PAMR1: variants seen among roughly 807,000 people sequenced by gnomAD.
PAMR1 encodes the protein inactive serine protease PAMR1.
PAMR1 carries 88 observed loss-of-function variants against 81.8 expected under a neutral mutation model. The ratio of observed to expected loss-of-function variants is 1.08; its 90% CI spans 0.91 to 1.28. The LOEUF is 1.28. Among genes scored for constraint, PAMR1 ranks in the 50% most tolerant of loss-of-function variants. PAMR1 has a pLI of 0.00. For missense variants in PAMR1, 935 were observed against 919.7 expected, an observed-to-expected ratio of 1.02 and a Z score of -0.21; for synonymous variants, 336 against 345.3, an observed-to-expected ratio of 0.97 and a Z score of 0.30.
chr11:35,434,692 C>T lies in PAMR1; in HGVS notation c.1446G>A (p.Lys482=). ...TSGVHDGSLH[K]GAWFLVCSGA... is the part of the protein sequence containing the mutation. ...CGCTGCAGACTAGGAACCACGCTCC[C>T]TTGTGTAGGCTGCCGTCATGCACCC... Residue 482 remains lysine (K), a synonymous_variant, in exon 10 of 11, where the codon AAG becomes AAA. Coordinates refer to ENST00000619888, the MANE Select transcript of PAMR1 (RefSeq NM_001001991.3). 2.5e-6 allele frequency: 4 copies of T among 1,614,204 alleles called. No homozygotes were observed. Among genetic ancestry groups the T allele is most frequent in the Non-Finnish European group, 2.5e-6 (3 of 1,180,042 alleles).
intron 6 of PAMR1, chr11:35,451,908 G>A (rs368525253): frequency 2.7e-5 from 19 of 703,074 alleles, no homozygotes; most frequent in South Asian, 6.1e-5. Flanking sequence ...ATCTTCTGAC[G>A]CCTTGATCTT....
intron 1 of PAMR1, among the ~76,000 whole-genome samples, chr11:35,508,438 T>C (rs971393261): frequency 2.0e-5 from 3 of 152,018 alleles, no homozygotes; most frequent in Non-Finnish European, 4.4e-5. Context: ...CTCAGTGCTA[T>C]ATATTTACTT....
intron 1 of PAMR1, among the ~76,000 whole-genome samples, chr11:35,522,113 A>C (rs10836410): frequency 6.6e-6 from 1 of 151,924 alleles, no homozygotes; most frequent in Admixed American, 6.6e-5. Flanking sequence ...TAGTAGAGAC[A>C]GGGTTTCACT....
At chr11:35,436,273 C>T in intron 8 of PAMR1, 138 bp from the exon 9 acceptor site, 1 of 615,474 alleles carries the variant, frequency 1.6e-6, no homozygotes, top group South Asian at 2.0e-5. Context: ...CTCTCTCTAT[C>T]TCTCTCTCTG....
At chr11:35,526,097 G>A (rs978986931), upstream of PAMR1, 1 of 158,808 alleles carries the variant, frequency 6.3e-6, no homozygotes, top group Admixed American at 6.1e-5. Flanking sequence ...TTGGTGATGG[G>A]AGGAGAAAGG....
At chr11:35,516,895 G>A (rs921850583) in intron 1 of PAMR1, among the ~76,000 whole-genome samples, 1 of 152,148 alleles carries the variant, frequency 6.6e-6, no homozygotes, top group African/African-American at 2.4e-5. Flanking sequence ...ACAATGCAGG[G>A]GGCAGCTCAA....
At chr11:35,447,058 C>A (rs193143873) in intron 6 of PAMR1, among the ~76,000 whole-genome samples, 29 of 152,244 alleles carry the variant, frequency 1.9e-4, no homozygotes, top group Middle Eastern at 3.4e-3. Flanking sequence ...GCTCTTCTTG[C>A]TTAATTGAAC....
At chr11:35,513,836 A>T (rs1851115279) in intron 1 of PAMR1, among the ~76,000 whole-genome samples, 1 of 152,164 alleles carries the variant, frequency 6.6e-6, no homozygotes, top group African/African-American at 2.4e-5. Context: ...GTGGGAGCAA[A>T]GTCTCTGCCT....
intron 1 of PAMR1, among the ~76,000 whole-genome samples, chr11:35,516,028 T>A (rs926407500): frequency 2.0e-5 from 3 of 152,210 alleles, no homozygotes; most frequent in Non-Finnish European, 4.4e-5. Context: ...GAGGAGTATA[T>A]GACAACTTTA....
chr11:35,499,256 T>A (rs555714837), intron 1 of PAMR1, among the ~76,000 whole-genome samples: 2 of 152,124 alleles, frequency 1.3e-5, no homozygotes, highest in Admixed American at 6.5e-5. Flanking sequence ...GGGGTCCAGG[T>A]GGCCTGCCTT....
intron 6 of PAMR1, among the ~76,000 whole-genome samples, chr11:35,465,398 A>G (rs941887024): frequency 7.2e-5 from 11 of 152,212 alleles, no homozygotes; most frequent in African/African-American, 2.4e-4. Context: ...CCTAATTTCA[A>G]AAGAATTCCC....
At chr11:35,521,105 T>C (rs1023437598) in intron 1 of PAMR1, among the ~76,000 whole-genome samples, 4 of 152,234 alleles carry the variant, frequency 2.6e-5, no homozygotes, top group African/African-American at 9.6e-5. Flanking sequence ...GACCCAGATA[T>C]AACACCCAGC....
intron 1 of PAMR1, among the ~76,000 whole-genome samples, chr11:35,519,059 C>A (rs1851222283): frequency 6.6e-6 from 1 of 152,110 alleles, no homozygotes; most frequent in Admixed American, 6.5e-5. Context: ...GATAAAGATG[C>A]CCAGACTGCA....
chr11:35,495,717 C>G (rs2135403373), intron 1 of PAMR1, among the ~76,000 whole-genome samples: 2 of 152,278 alleles, frequency 1.3e-5, no homozygotes, highest in East Asian at 3.9e-4. Context: ...CCTTGAATTT[C>G]ATAGTTTCCT....
chr11:35,485,339 A>G (rs1417634292), intron 3 of PAMR1, among the ~76,000 whole-genome samples: 2 of 152,232 alleles, frequency 1.3e-5, no homozygotes, highest in East Asian at 1.9e-4. Context: ...CAAATCCTGG[A>G]AAGGAGCATA....
chr11:35,493,992 C>T, intron 2 of PAMR1, 104 bp downstream of exon 2: 1 of 848,336 alleles, frequency 1.2e-6, no homozygotes, highest in Non-Finnish European at 1.9e-6. Context: ...CATGGCACCA[C>T]AGCCTCCTGA....
At chr11:35,458,926 G>A (rs1385316780) in intron 6 of PAMR1, among the ~76,000 whole-genome samples, 1 of 152,058 alleles carries the variant, frequency 6.6e-6, no homozygotes, top group East Asian at 1.9e-4. Context: ...TTACTCCCAG[G>A]AAGGTCTTCA....
chr11:35,448,538 G>A (rs188111853), intron 6 of PAMR1, among the ~76,000 whole-genome samples: 2 of 152,234 alleles, frequency 1.3e-5, no homozygotes, highest in East Asian at 3.9e-4. Flanking sequence ...AACAGCTCCT[G>A]TAGTGTTTTA....
intron 1 of PAMR1, among the ~76,000 whole-genome samples, chr11:35,500,341 A>G (rs1366151408): frequency 6.6e-6 from 1 of 152,196 alleles, no homozygotes; most frequent in Non-Finnish European, 1.5e-5. Flanking sequence ...GCAAGGGTGA[A>G]TCGATGAACT....
Sources: allele counts gnomAD v4.1 joint callset (sites outside exome capture counted in the v4.1 genomes callset), GRCh38; gene constraint gnomAD v4.1.1; transcripts MANE v1.5; gene names NCBI Gene and HGNC (gene_info 2026-07-23, HGNC 2026-07-21).